ADAMTS13: variants seen among roughly 807,000 people sequenced by gnomAD.
ADAMTS13 encodes the protein A disintegrin and metalloproteinase with thrombospondin motifs 13.
A neutral mutation model predicts 155.1 loss-of-function variants in ADAMTS13; 110 were observed. That is an observed-to-expected ratio of 0.71 (90% CI 0.61 to 0.83). The LOEUF (loss-of-function observed/expected upper bound fraction) is 0.83, where lower values mean the gene tolerates loss of function less well. Among genes scored for constraint, ADAMTS13 ranks in the 40% least tolerant of loss-of-function variants. The pLI is 0.00. For synonymous variants in ADAMTS13, 758 were observed against 756.4 expected, an observed-to-expected ratio of 1.00 and a Z score of -0.03; for missense variants, 1,707 against 1,891.7, an observed-to-expected ratio of 0.90 and a Z score of 1.81.
chr9:133,443,622 T>C, intron 19 of ADAMTS13, 61 bp downstream of exon 19: 1 of 1,454,774 alleles, frequency 6.9e-7, no homozygotes, highest in Non-Finnish European at 9.1e-7. Flanking sequence ...GTCCCTGCGC[T>C]GAGCCCCCAT....
At chr9:133,438,735 G>GA (rs1841436366) in intron 14 of ADAMTS13, among the ~76,000 whole-genome samples, 1 of 152,090 alleles carries the variant, frequency 6.6e-6, no homozygotes, top group Admixed American at 6.5e-5. Context: ...CCAGTATGGT[G>GA]AAACCCCATC....
chr9:133,431,319 T>C (rs1840746262), intron 8 of ADAMTS13, among the ~76,000 whole-genome samples: 1 of 141,310 alleles, frequency 7.1e-6, no homozygotes, highest in South Asian at 2.3e-4. Flanking sequence ...ACCTGGAAGT[T>C]CATTTTTTCA....
intron 7 of ADAMTS13, among the ~76,000 whole-genome samples, chr9:133,429,155 C>G (rs375703989): frequency 8.7e-6 from 1 of 114,836 alleles, no homozygotes; most frequent in African/African-American, 3.4e-5. Flanking sequence ...ACCCCTCCGT[C>G]CCAACCCCTG....
chr9:133,426,392 C>G lies in ADAMTS13; in HGVS notation c.686+47C>G, dbSNP rs782710474. ...CCCCAGGATCTGGCAAGGAGCTGAC[C>G]TGGGTACCCAGGGTGGAGGTGGTCT... On this transcript the variant is annotated intron_variant, in intron 6 of 28. Coordinates refer to ENST00000355699, the MANE Select transcript of ADAMTS13 (RefSeq NM_139027.6). 8 of 1,597,546 alleles carry G rather than the reference C, an allele frequency of 5.0e-6. No individual in the cohort carries two copies. The Admixed American group carries it at 8.3e-5, about 17-fold the overall frequency.
chr9:133,418,823 G>C (rs879331594), upstream of ADAMTS13, among the ~76,000 whole-genome samples: 2 of 152,242 alleles, frequency 1.3e-5, no homozygotes, highest in Non-Finnish European at 2.9e-5. Flanking sequence ...GCGCCGGGCT[G>C]TCTGCCTGTG....
intron 9 of ADAMTS13, 135 bp from the exon 10 acceptor site, chr9:133,433,243 T>C (rs1840907134): frequency 1.7e-6 from 2 of 1,206,644 alleles, no homozygotes; most frequent in East Asian, 4.7e-5. Context: ...CTTGTGTGTG[T>C]TTGGGGGTCG....
chr9:133,425,711 A>G lies in ADAMTS13; in HGVS notation c.414+99A>G. Reference sequence around the variant, plus strand: ...ACCTCTTGTCCCGGATGCCCCAAGCAGCATGGATCACAGAATGCATTCAGC... The same window carrying G: ...ACCTCTTGTCCCGGATGCCCCAAGCGGCATGGATCACAGAATGCATTCAGC... On this transcript the variant is annotated intron_variant, in intron 4 of 28. Transcript: ENST00000355699. This position sits in a 1 kb window ranked among gnomAD's most constrained non-coding sequence, Gnocchi z 4.6. 1 of 1,445,564 alleles carries G rather than the reference A, an allele frequency of 6.9e-7. No individual in the cohort carries two copies. Among genetic ancestry groups the G allele is most frequent in the Non-Finnish European group, 9.5e-7 (1 of 1,052,388 alleles). 89.5% of individuals were successfully genotyped at this position (1,445,564 alleles called of 1,614,324 possible). A position where few individuals can be genotyped will look rare whatever the true frequency, so the allele number is the denominator to read the frequency against.
rs782095571 is a variant in ADAMTS13 at position 133,426,260 on chromosome 9, G to A, written c.601G>A (p.Ala201Thr). The A allele has an allele frequency of 6.2e-7, 1 of 1,612,398 alleles. No individual in the cohort carries two copies. Among genetic ancestry groups the A allele is most frequent in the South Asian group, 1.1e-5 (1 of 91,088 alleles). ...GCGGGGCGTCACCCAGCTGGGCGGT[G>A]CCTGCTCCCCAACCTGGAGCTGCCT... is the stretch of plus-strand genomic sequence containing the variant. ...QVRGVTQLGGACSPTWSCLIT... is the reference protein window; with the variant it reads ...QVRGVTQLGGTCSPTWSCLIT... Residue 201 changes from alanine to threonine, a missense_variant, in exon 6 of 29, where the codon GCC becomes ACC. By Grantham distance (58) the Ala-to-Thr change is moderately conservative (BLOSUM62 0). This residue lies in a region of ADAMTS13 where 733 missense variants were observed against 749.6 expected (regional missense o/e 0.98). Transcript: ENST00000355699.
chr9:133,454,963 C>T (rs1554795312), intron 24 of ADAMTS13, among the ~76,000 whole-genome samples: 1 of 152,114 alleles, frequency 6.6e-6, no homozygotes, highest in African/African-American at 2.4e-5. Flanking sequence ...GAGGGGCTCG[C>T]TCATGGTGTG....
intron 18 of ADAMTS13, among the ~76,000 whole-genome samples, chr9:133,442,949 C>A (rs1483222674): frequency 1.3e-5 from 2 of 152,238 alleles, no homozygotes; most frequent in South Asian, 4.1e-4. Flanking sequence ...AGGCTTGGGG[C>A]AGACATGGTG....
At chr9:133,449,183 C>T (rs1199559451) in intron 22 of ADAMTS13, among the ~76,000 whole-genome samples, 1 of 152,190 alleles carries the variant, frequency 6.6e-6, no homozygotes, top group Admixed American at 6.5e-5. Context: ...GTACATTGCA[C>T]AGGATCTGGG....
At chr9:133,439,570 G>A (rs912322117) in intron 15 of ADAMTS13, 124 bp downstream of exon 15, 11 of 840,212 alleles carry the variant, frequency 1.3e-5, no homozygotes, top group South Asian at 6.8e-5. Context: ...CCACCCTCAG[G>A]CTTGATAGTT....
At position 133,456,279 on chromosome 9, in the gene ADAMTS13, C is replaced by G; in HGVS notation, c.3547+64C>G. On this transcript the variant is annotated intron_variant, in intron 26 of 28. Coordinates refer to ENST00000355699, the MANE Select transcript of ADAMTS13 (RefSeq NM_139027.6). This position sits in a 1 kb window ranked among gnomAD's most constrained non-coding sequence, Gnocchi z 4.4. ...GGCCCTGCCAGGAGCCAGCACGACG[C>G]TGCATGCCCCATTCCTGGCAGGAGC... 3 of 1,608,552 alleles carry G rather than the reference C, an allele frequency of 1.9e-6. No individual in the cohort carries two copies. The highest frequency in any genetic ancestry group is 2.5e-6 in the Non-Finnish European group (3 of 1,178,000).
intron 14 of ADAMTS13, 62 bp from the exon 15 acceptor site, chr9:133,439,304 C>T (rs1243211445): frequency 2.3e-6 from 3 of 1,300,796 alleles, no homozygotes; most frequent in East Asian, 2.3e-5. Context: ...AGATCAGCTC[C>T]CTTTGTCTGT....
At chr9:133,426,109 T>A (rs944559244) in intron 5 of ADAMTS13, 47 bp downstream of exon 5, 41 of 1,613,990 alleles carry the variant, frequency 2.5e-5, no homozygotes, top group Non-Finnish European at 3.5e-5. Context: ...CTGGGAAGGC[T>A]GCTCCCTCAG....
rs1554793316 is a variant in ADAMTS13 at position 133,448,673 on chromosome 9, G to T, written c.2806G>T (p.Ala936Ser). 3 of 1,607,534 alleles carry T rather than the reference G, an allele frequency of 1.9e-6. No individual in the cohort carries two copies. Among genetic ancestry groups the T allele is most frequent in the Non-Finnish European group, 1.7e-6 (2 of 1,179,962 alleles). ...VPVQEELCGL[A>S]SKPGSRREVC... ...TGTCCAGGAAGAGCTGTGTGGCCTG[G>T]CAAGCAAGCCTGGGAGCCGGCGGGA... Residue 936 changes from alanine to serine, a missense_variant, in exon 22 of 29, where the codon GCA (alanine) becomes TCA (serine). Ala to Ser is a moderately conservative substitution (Grantham distance 99). This residue lies in a region of ADAMTS13 where 961 missense variants were observed against 1,107.9 expected (regional missense o/e 0.87). Transcript: ENST00000355699.
chr9:133,453,417 T>C (rs145118466), intron 23 of ADAMTS13, among the ~76,000 whole-genome samples: 58 of 151,744 alleles, frequency 3.8e-4, no homozygotes, highest in African/African-American at 1.4e-3. Flanking sequence ...GCCTGGGTGG[T>C]TGCAGTGAGC....
intron 12 of ADAMTS13, among the ~76,000 whole-genome samples, chr9:133,437,546 T>C (rs1841328669): frequency 6.6e-6 from 1 of 152,182 alleles, no homozygotes; most frequent in Non-Finnish European, 1.5e-5. Context: ...GCATGAACCA[T>C]TGCGCCCAGC....
At position 133,424,720 on chromosome 9, in the gene ADAMTS13, C is replaced by T. The variant is rs1840167465; in HGVS notation, c.330+242C>T. 1.3e-5 allele frequency among the ~76,000 whole-genome samples: 2 copies of T among 152,156 alleles called. No homozygotes were observed. Among genetic ancestry groups the T allele is most frequent in the Admixed American group, 6.5e-5 (1 of 15,286 alleles). ...CTACTCAAGTCCCTTCACCTGGGGC[C>T]ACCCTCAAGCCTGGCCTCTTCCCCA... is the stretch of plus-strand genomic sequence containing the variant. On this transcript the variant is annotated intron_variant, in intron 3 of 28. Coordinates refer to ENST00000355699, the MANE Select transcript of ADAMTS13 (RefSeq NM_139027.6). This position sits in a 1 kb window ranked among gnomAD's most constrained non-coding sequence, Gnocchi z 4.3.
Sources: gnomAD v4.1 joint callset for allele counts (sites outside exome capture counted in the v4.1 genomes callset) on GRCh38, gnomAD v4.1.1 for gene constraint, gnomAD v4.1.1 regional missense constraint, Gnocchi (gnomAD v3.1) non-coding constraint, MANE v1.5 for transcripts, NCBI Gene and HGNC (gene_info 2026-07-23, HGNC 2026-07-21) for gene names.